Variants in MYO3B observed in about 807,000 individuals in gnomAD.
The protein encoded by MYO3B is myosin IIIB.
Under a neutral mutation model 174.6 loss-of-function variants are expected in MYO3B, and 156 were observed. The ratio of observed to expected loss-of-function variants is 0.89; its 90% CI spans 0.78 to 1.02. MYO3B has a LOEUF of 1.02. MYO3B is among the 50% of genes least tolerant of loss of function. The probability of loss-of-function intolerance (pLI) is 0.00; values close to 1 mark genes in which losing one functional copy is unlikely to be tolerated. For missense variants in MYO3B, 1,632 were observed against 1,639.4 expected (o/e 1.00, Z 0.08); for synonymous variants, 563 against 569.1 (o/e 0.99, Z 0.15).
At chr2:170,205,152 T>C (rs545409777) in intron 3 of MYO3B, among the ~76,000 whole-genome samples, 118 of 152,320 alleles carry the variant, frequency 7.7e-4, no homozygotes, top group African/African-American at 2.8e-3. Flanking sequence ...TGGGTAAGAT[T>C]CCTTTGTTGT....
chr2:170,471,180 G>C lies in MYO3B; in HGVS notation c.3014+4469G>C, dbSNP rs145552574. 7.0e-3 allele frequency among the ~76,000 whole-genome samples: 1,070 copies of C among 152,082 alleles called. 10 individuals carry two copies. The highest frequency in any genetic ancestry group is 0.025 in the African/African-American group (1,022 of 41,478). The stretch of plus-strand genomic sequence containing the variant: ...ATCTCATGCCTCAGCCTCCGGAGTA[G>C]CTGGGATTACAGGCATCTGCCACCA... On this transcript the variant is annotated intron_variant, in intron 25 of 34. Transcript: ENST00000408978.
intron 2 of MYO3B, 44 bp downstream of exon 2, chr2:170,199,435 G>T (rs1218457934): frequency 2.8e-5 from 39 of 1,379,038 alleles, no homozygotes; most frequent in Non-Finnish European, 3.7e-5. Flanking sequence ...GGTGTTTTAT[G>T]CACACTGAGT....
intron 7 of MYO3B, among the ~76,000 whole-genome samples, chr2:170,289,271 G>T (rs563031999): frequency 1.3e-5 from 2 of 152,020 alleles, no homozygotes; most frequent in Admixed American, 6.6e-5. Context: ...TGAAGACAAA[G>T]AATTTGAGTA....
At chr2:170,522,296 AG>A (rs1403932444) in intron 30 of MYO3B, among the ~76,000 whole-genome samples, 4 of 152,170 alleles carry the variant, frequency 2.6e-5, no homozygotes, top group Middle Eastern at 3.4e-3. Flanking sequence ...TCAACAGAAA[AG>A]CCCCTCCTAA....
intron 32 of MYO3B, among the ~76,000 whole-genome samples, chr2:170,648,245 C>G (rs1698531086): frequency 6.6e-6 from 1 of 152,170 alleles, no homozygotes; most frequent in African/African-American, 2.4e-5. Flanking sequence ...TTCCTGTGCT[C>G]TGCACAGTGA....
At chr2:170,581,633 G>A (rs1265494229) in intron 32 of MYO3B, among the ~76,000 whole-genome samples, 1 of 151,150 alleles carries the variant, frequency 6.6e-6, no homozygotes, top group South Asian at 2.1e-4. Flanking sequence ...TTTTATATAT[G>A]ATATATGGGA....
intron 1 of MYO3B, among the ~76,000 whole-genome samples, chr2:170,187,750 G>T (rs1234180912): frequency 6.6e-6 from 1 of 152,084 alleles, no homozygotes; most frequent in African/African-American, 2.4e-5. Flanking sequence ...GGAACATATT[G>T]TTTAATTTCC....
intron 32 of MYO3B, among the ~76,000 whole-genome samples, chr2:170,629,633 T>G (rs1696770685): frequency 6.6e-6 from 1 of 152,312 alleles, no homozygotes; most frequent in East Asian, 1.9e-4. Context: ...GTGGATTGCC[T>G]GAGCTTAGGA....
chr2:170,437,813 C>T (rs1028624012), intron 22 of MYO3B, among the ~76,000 whole-genome samples: 23 of 152,170 alleles, frequency 1.5e-4, no homozygotes, highest in African/African-American at 5.3e-4. Flanking sequence ...CCTCAACCCT[C>T]ACAATGGCGC....
At chr2:170,442,700 C>T (rs1052467155) in intron 22 of MYO3B, among the ~76,000 whole-genome samples, 4 of 152,150 alleles carry the variant, frequency 2.6e-5, no homozygotes, top group South Asian at 2.1e-4. Flanking sequence ...CCCCACCCTG[C>T]GTCCAAGTGT....
chr2:170,604,793 G>A (rs907772525), intron 32 of MYO3B, among the ~76,000 whole-genome samples: 2 of 152,194 alleles, frequency 1.3e-5, no homozygotes, highest in Non-Finnish European at 2.9e-5. Flanking sequence ...ATTTCAGAAA[G>A]AGGCCACACA....
chr2:170,376,060 T>C (rs2094290571), intron 9 of MYO3B, among the ~76,000 whole-genome samples: 1 of 152,186 alleles, frequency 6.6e-6, no homozygotes, highest in South Asian at 2.1e-4. Flanking sequence ...AAGATGCTGA[T>C]TTATTGGGAT....
chr2:170,508,140 G>A (rs543198318), intron 28 of MYO3B, among the ~76,000 whole-genome samples: 36 of 152,196 alleles, frequency 2.4e-4, no homozygotes, highest in African/African-American at 8.4e-4. Context: ...CCTAGGACTC[G>A]ATATTATAAC....
In MYO3B at chr2:170,572,622, A is replaced by G. The variant is rs537034940; in HGVS notation, c.3733+28634A>G. Among the ~76,000 whole-genome samples, 385 of 151,270 alleles carry G rather than the reference A, an allele frequency of 2.5e-3. 1 individual carries two copies. Among genetic ancestry groups the G allele is most frequent in the African/African-American group, 8.9e-3 (366 of 41,302 alleles). The stretch of plus-strand genomic sequence containing the variant: ...GACCCTATATCAAAAAAAAAAAAAA[A>G]AAGGTAAGGACCTCCTCCTCCTCCC... On this transcript the variant is annotated intron_variant, in intron 32 of 34. Transcript: ENST00000408978.
chr2:170,465,215 G>A (rs1178935218), intron 24 of MYO3B, among the ~76,000 whole-genome samples: 6 of 152,000 alleles, frequency 3.9e-5, no homozygotes, highest in African/African-American at 9.7e-5. Flanking sequence ...ATTGGCTCAC[G>A]GTTCTGCAGG....
intron 7 of MYO3B, among the ~76,000 whole-genome samples, chr2:170,280,801 T>C (rs2093502737): frequency 6.6e-6 from 1 of 152,178 alleles, no homozygotes; most frequent in Non-Finnish European, 1.5e-5. Flanking sequence ...TGCGGCCTTA[T>C]TTCTGGGCTC....
At chr2:170,545,822 T>C in intron 32 of MYO3B, among the ~76,000 whole-genome samples, 1 of 152,324 alleles carries the variant, frequency 6.6e-6, no homozygotes, top group Admixed American at 6.5e-5. Context: ...TAAGTATTTT[T>C]CCTGCCTCCA....
intron 6 of MYO3B, among the ~76,000 whole-genome samples, chr2:170,231,022 T>C (rs2093010187): frequency 6.6e-6 from 1 of 152,246 alleles, no homozygotes; most frequent in Non-Finnish European, 1.5e-5. Flanking sequence ...ACTGTTGTTT[T>C]TCTCTGCCAT....
intron 32 of MYO3B, chr2:170,646,911 T>C (rs1290469321): frequency 7.4e-7 from 1 of 1,360,384 alleles, no homozygotes; most frequent in Non-Finnish European, 9.8e-7. Context: ...CGCCTCAGCC[T>C]TTCCACATTA....
Sources: gnomAD v4.1 joint callset for allele counts (sites outside exome capture counted in the v4.1 genomes callset) on GRCh38, gnomAD v4.1.1 for gene constraint, MANE v1.5 for transcripts, NCBI Gene and HGNC (gene_info 2026-07-23, HGNC 2026-07-21) for gene names.